ARSF: variants seen among roughly 807,000 people sequenced by gnomAD.
ARSF encodes arylsulfatase F.
A neutral mutation model predicts 35.4 loss-of-function variants in ARSF; 33 were observed. The ratio of observed to expected loss-of-function variants is 0.93; its 90% CI spans 0.71 to 1.25. The LOEUF (loss-of-function observed/expected upper bound fraction) is 1.25, where lower values mean the gene tolerates loss of function less well. ARSF is among the 50% of genes most tolerant of loss of function. The pLI is 0.00. For synonymous variants in ARSF, 222 were observed against 193.1 expected, an observed-to-expected ratio of 1.15 and a Z score of -1.24; for missense variants, 501 against 480.2, an observed-to-expected ratio of 1.04 and a Z score of -0.40.
chrX:3,102,122 A>G (rs757958580), intron 8 of ARSF, among the ~76,000 whole-genome samples: 2 of 111,407 alleles, frequency 1.8e-5, no homozygotes, highest in South Asian at 7.6e-4. Flanking sequence ...TTGTTATTAT[A>G]GACATTCTAT....
At chrX:3,096,115 C>T (rs2090336987) in intron 7 of ARSF, among the ~76,000 whole-genome samples, 1 of 107,993 alleles carries the variant, frequency 9.3e-6, no homozygotes, top group African/African-American at 3.3e-5. Flanking sequence ...TAATTAGTTA[C>T]ATTTATATAT....
intron 6 of ARSF, among the ~76,000 whole-genome samples, chrX:3,087,810 G>T (rs2090258805): frequency 9.1e-6 from 1 of 109,845 alleles, no homozygotes; most frequent in Admixed American, 9.8e-5. Flanking sequence ...TCTCCTATAG[G>T]GACAACATTA....
At chrX:3,074,241 T>G (rs1294931144) in intron 3 of ARSF, among the ~76,000 whole-genome samples, 1 of 111,008 alleles carries the variant, frequency 9.0e-6, no homozygotes, top group Admixed American at 9.7e-5. Flanking sequence ...ATACTAGCAA[T>G]TTGAGAAGTG....
At chrX:3,111,401 T>C (rs1159588661) in intron 10 of ARSF, among the ~76,000 whole-genome samples, 1 of 111,833 alleles carries the variant, frequency 8.9e-6, no homozygotes, top group Admixed American at 9.5e-5. Flanking sequence ...TCTAGTGATA[T>C]TTTGAGATAG....
intron 4 of ARSF, among the ~76,000 whole-genome samples, chrX:3,077,935 C>G (rs1412640744): frequency 9.5e-6 from 1 of 105,282 alleles, no homozygotes; most frequent in Non-Finnish European, 1.9e-5. Flanking sequence ...TCCTGGGTAA[C>G]TGGGATTACA....
At chrX:3,042,894 C>T (rs1022787045) in intron 1 of ARSF, among the ~76,000 whole-genome samples, 1 of 110,944 alleles carries the variant, frequency 9.0e-6, no homozygotes, top group African/African-American at 3.3e-5. Flanking sequence ...CATTGGGTCA[C>T]ACCTGTAATC....
At chrX:3,083,481 C>CCTATCTATCTAT (rs746160970) in intron 5 of ARSF, among the ~76,000 whole-genome samples, 1 of 93,481 alleles carries the variant, frequency 1.1e-5, no homozygotes, top group Non-Finnish European at 2.1e-5. Flanking sequence ...TCTCCTCTAT[C>CCTATCTATCTAT]CTATCTATCT....
chrX:3,074,709 A>T (rs1193220770), intron 3 of ARSF, among the ~76,000 whole-genome samples: 1 of 111,482 alleles, frequency 9.0e-6, no homozygotes, highest in African/African-American at 3.3e-5. Flanking sequence ...AATTTCAAGA[A>T]TAGAATACAT....
At chrX:3,057,791 A>G (rs2090024954) in intron 1 of ARSF, among the ~76,000 whole-genome samples, 1 of 111,754 alleles carries the variant, frequency 8.9e-6, no homozygotes, top group Non-Finnish European at 1.9e-5. Flanking sequence ...GCATGACAGT[A>G]AAGTCTGCCA....
Position 3,084,540 on chromosome X carries a change from C to G in ARSF, c.704C>G (p.Ser235Cys), listed in dbSNP as rs376680126. 5.0e-6 allele frequency: 6 copies of G among 1,209,565 alleles called. No individual in the cohort carries two copies. The highest frequency in any genetic ancestry group is 1.8e-5 in the African/African-American group (1 of 57,011). The change falls in exon 6 of 11, where the codon TCC becomes TGC. Residue 235 changes from serine to cysteine, a missense_variant. Ser to Cys is a moderately radical substitution (Grantham distance 112). Transcript: ENST00000381127. ...FIFLLGYAWF[S>C]SHTSPLYWDC... Reference sequence around the variant, plus strand: ...TTCCTCTTGGGCTATGCTTGGTTCTCCAGCCACACGTCCCCTTTATACTGG... The same window carrying G: ...TTCCTCTTGGGCTATGCTTGGTTCTGCAGCCACACGTCCCCTTTATACTGG...
At chrX:3,100,950 A>C in intron 7 of ARSF, 137 bp from the exon 8 acceptor site, 1 of 574,990 alleles carries the variant, frequency 1.7e-6, no homozygotes, top group Non-Finnish European at 2.6e-6. Context: ...GTTAATGCAC[A>C]TTTCTTTTCT....
At chrX:3,080,778 C>A in intron 4 of ARSF, 113 bp from the exon 5 acceptor site, 1 of 953,504 alleles carries the variant, frequency 1.0e-6, no homozygotes, top group South Asian at 2.4e-5. Flanking sequence ...AAAGCCCTAC[C>A]TCCTAACCAT....
chrX:3,043,164 AAAG>A (rs979906228), intron 1 of ARSF, among the ~76,000 whole-genome samples: 20 of 111,470 alleles, frequency 1.8e-4, no homozygotes, highest in Non-Finnish European at 1.1e-4. Flanking sequence ...TCTCAAAAAA[AAAG>A]AAGAAGAAAG....
intron 6 of ARSF, among the ~76,000 whole-genome samples, chrX:3,088,274 T>C (rs1185550552): frequency 1.8e-5 from 2 of 111,752 alleles, no homozygotes; most frequent in African/African-American, 3.3e-5. Flanking sequence ...TCTCAGGGTG[T>C]GACCCTAGTT....
intron 1 of ARSF, among the ~76,000 whole-genome samples, chrX:3,056,315 A>C (rs976512374): frequency 1.1e-5 from 1 of 94,704 alleles, no homozygotes; most frequent in Non-Finnish European, 2.1e-5. Context: ...TCCCTCTGTC[A>C]CCCAGGCTGG....
chrX:3,089,395 GAGA>G, intron 6 of ARSF, 98 bp from the exon 7 acceptor site: 1 of 975,441 alleles, frequency 1.0e-6, no homozygotes, highest in South Asian at 2.1e-5. Context: ...CTGCAGCTTG[GAGA>G]AGAAGGAAGC....
intron 4 of ARSF, among the ~76,000 whole-genome samples, chrX:3,078,608 T>G (rs2090171479): frequency 9.0e-6 from 1 of 111,010 alleles, no homozygotes; most frequent in Non-Finnish European, 1.9e-5. Flanking sequence ...CAAGCGATTC[T>G]CCCTCCTCAG....
rs202026384 is a variant in ARSF, at chrX:3,101,160, A to G, written c.1041A>G (p.Gly347=). 6.6e-5 allele frequency: 80 copies of G among 1,209,261 alleles called. No individual in the cohort carries two copies. Among genetic ancestry groups the G allele is most frequent in the Non-Finnish European group, 8.6e-5 (77 of 894,928 alleles). ...TTGTCTACTTTACATCAGATCACGG[A>G]GGGCATTTGGAAGCTAGGCGAGGGC... ...NTLVYFTSDH[G]GHLEARRGHA... is the part of the protein sequence containing the mutation. Residue 347 remains glycine, a synonymous_variant, in exon 8 of 11, where the codon GGA becomes GGG. Transcript: ENST00000381127.
At chrX:3,091,919 A>C (rs769161955) in intron 7 of ARSF, among the ~76,000 whole-genome samples, 1 of 109,901 alleles carries the variant, frequency 9.1e-6, no homozygotes, top group Admixed American at 9.7e-5. Context: ...GATGATTGAG[A>C]GATAGATACA....
Sources: gnomAD v4.1 joint callset for allele counts (sites outside exome capture counted in the v4.1 genomes callset) on GRCh38, gnomAD v4.1.1 for gene constraint, MANE v1.5 for transcripts, NCBI Gene and HGNC (gene_info 2026-07-23, HGNC 2026-07-21) for gene names.